Variants in NEK1 observed in about 807,000 individuals in gnomAD.
The protein encoded by NEK1 is NIMA related kinase 1.
Under a neutral mutation model 182.1 loss-of-function variants are expected in NEK1, and 137 were observed. The observed-to-expected ratio is 0.75, with a 90% CI of 0.65 to 0.87. The LOEUF (loss-of-function observed/expected upper bound fraction) is 0.87. Among genes scored for constraint, NEK1 ranks in the 40% least tolerant of loss-of-function variants. NEK1 has a pLI of 0.00. For missense variants in NEK1, 1,391 were observed against 1,494.4 expected, an observed-to-expected ratio of 0.93 and a Z score of 1.14; for synonymous variants, 513 against 492.2, an observed-to-expected ratio of 1.04 and a Z score of -0.56.
chr4:169,448,801 T>G (rs1043954660), intron 27 of NEK1, among the ~76,000 whole-genome samples: 1 of 152,192 alleles, frequency 6.6e-6, no homozygotes, highest in Non-Finnish European at 1.5e-5. Flanking sequence ...TCAATGGGAC[T>G]GGTTGGACAG....
chr4:169,539,246 A>T (rs902159500), intron 18 of NEK1, among the ~76,000 whole-genome samples: 1 of 152,134 alleles, frequency 6.6e-6, no homozygotes, highest in African/African-American at 2.4e-5. Context: ...GCCATCCCCT[A>T]ACAGTCCCAT....
intron 29 of NEK1, among the ~76,000 whole-genome samples, chr4:169,428,706 A>T (rs776708371): frequency 6.6e-6 from 1 of 152,108 alleles, no homozygotes; most frequent in South Asian, 2.1e-4. Flanking sequence ...TTAAATGGTG[A>T]ATTTTACGTT....
At chr4:169,494,954 T>C (rs950670290) in intron 23 of NEK1, among the ~76,000 whole-genome samples, 7 of 152,200 alleles carry the variant, frequency 4.6e-5, no homozygotes, top group African/African-American at 1.7e-4. Context: ...TGTTCTTTTC[T>C]TGTAAATTTG....
chr4:169,474,518 A>G (rs1746602310), intron 26 of NEK1, among the ~76,000 whole-genome samples: 1 of 152,062 alleles, frequency 6.6e-6, no homozygotes, highest in Admixed American at 6.6e-5. Flanking sequence ...TCACTTCCTA[A>G]TTCTTGGATT....
intron 23 of NEK1, among the ~76,000 whole-genome samples, chr4:169,492,726 A>G (rs997062903): frequency 2.1e-4 from 32 of 152,204 alleles, no homozygotes; most frequent in African/African-American, 7.7e-4. Flanking sequence ...GACATACTAC[A>G]CAACCTACTC....
At chr4:169,563,811 G>A (rs1016972407) in intron 12 of NEK1, among the ~76,000 whole-genome samples, 30 of 152,214 alleles carry the variant, frequency 2.0e-4, no homozygotes, top group South Asian at 1.2e-3. Context: ...AAGTTTCACC[G>A]AATTTTCAGC....
chr4:169,477,013 C>T (rs1747074400), intron 26 of NEK1, 111 bp downstream of exon 26: 1 of 700,412 alleles, frequency 1.4e-6, no homozygotes, highest in African/African-American at 1.8e-5. Context: ...ATATAGAATT[C>T]TTTCAGCTTC....
intron 27 of NEK1, among the ~76,000 whole-genome samples, chr4:169,458,858 G>C (rs1005864074): frequency 6.7e-6 from 1 of 149,932 alleles, no homozygotes; most frequent in Non-Finnish European, 1.5e-5. Flanking sequence ...AATGTCAAGA[G>C]AACATGAAGA....
Position 169,401,876 on chromosome 4 carries a change from T to C in NEK1, c.3375-16A>G. On this transcript the variant is annotated splice_polypyrimidine_tract_variant and intron_variant, in intron 32 of 35. Transcript: ENST00000507142. ...TTCAAACACACTGAAATTTAAAAAG[T>C]ATAACTAAAAGTTTCAAACATACTG... The C allele has an allele frequency of 6.3e-7, 1 of 1,588,854 alleles. No individual in the cohort carries two copies. Among genetic ancestry groups the C allele is most frequent in the Non-Finnish European group, 8.6e-7 (1 of 1,166,214 alleles).
Position 169,575,916 on chromosome 4 carries a change from A to T in NEK1, c.1020+1012T>A, listed in dbSNP as rs1765612394. On this transcript the variant is annotated intron_variant, in intron 12 of 35. Transcript: ENST00000507142. ...TGCTATTACTGCATGCTTTAAAAAAAAAATTTTTTTACAATCTCTCATTTT... is the reference window on the plus strand; with the variant it reads ...TGCTATTACTGCATGCTTTAAAAAATAAATTTTTTTACAATCTCTCATTTT... 2.6e-5 allele frequency among the ~76,000 whole-genome samples: 4 copies of T among 152,126 alleles called. No individual in the cohort carries two copies. The South Asian group carries it at 8.3e-4, about 32-fold the overall frequency.
intron 27 of NEK1, among the ~76,000 whole-genome samples, chr4:169,455,010 A>G (rs1030683902): frequency 6.6e-6 from 1 of 152,220 alleles, no homozygotes; most frequent in Non-Finnish European, 1.5e-5. Context: ...AGAAAGGATG[A>G]GTTCATGTCC....
chr4:169,541,911 G>A (rs1007006457), intron 18 of NEK1, among the ~76,000 whole-genome samples: 2 of 152,114 alleles, frequency 1.3e-5, no homozygotes, highest in African/African-American at 4.8e-5. Context: ...TGACCGAAAT[G>A]TGTCTTTATA....
At chr4:169,463,475 T>C (rs1178556803) in intron 26 of NEK1, 80 bp from the exon 27 acceptor site, 16 of 1,019,704 alleles carry the variant, frequency 1.6e-5, no homozygotes, top group South Asian at 2.5e-5. Context: ...TTGAGTCTTT[T>C]ATCCAATTGA....
intron 19 of NEK1, among the ~76,000 whole-genome samples, chr4:169,512,395 C>A (rs1027304511): frequency 6.6e-6 from 1 of 152,036 alleles, no homozygotes; most frequent in Middle Eastern, 3.4e-3. Flanking sequence ...GTGTTACCTG[C>A]CATATGTATA....
chr4:169,395,417 C>T (rs1730518989), intron 35 of NEK1, among the ~76,000 whole-genome samples: 1 of 152,140 alleles, frequency 6.6e-6, no homozygotes, highest in African/African-American at 2.4e-5. Flanking sequence ...CACTGAATTG[C>T]TTATAGTTTC....
chr4:169,399,794 A>T (rs575985615), intron 35 of NEK1, among the ~76,000 whole-genome samples: 10 of 151,840 alleles, frequency 6.6e-5, no homozygotes, highest in African/African-American at 2.2e-4. Flanking sequence ...CTAATTAAAA[A>T]TTTTTTTGTG....
intron 10 of NEK1, among the ~76,000 whole-genome samples, chr4:169,583,114 A>C (rs575877764): frequency 6.6e-6 from 1 of 152,080 alleles, no homozygotes; most frequent in African/African-American, 2.4e-5. Flanking sequence ...AAGCTCATGA[A>C]TTGTTTCAAA....
At chr4:169,405,603 T>C (rs1188752563) in intron 32 of NEK1, among the ~76,000 whole-genome samples, 1 of 152,192 alleles carries the variant, frequency 6.6e-6, no homozygotes, top group Admixed American at 6.5e-5. Flanking sequence ...GAGGCTGCAG[T>C]GAGCTATCAT....
intron 31 of NEK1, among the ~76,000 whole-genome samples, chr4:169,411,723 A>T (rs2111173654): frequency 6.6e-6 from 1 of 152,370 alleles, no homozygotes; most frequent in Non-Finnish European, 1.5e-5. Context: ...GGGATTATAA[A>T]TTAATCAAAT....
Sources: gnomAD v4.1 joint callset for allele counts (sites outside exome capture counted in the v4.1 genomes callset) on GRCh38, gnomAD v4.1.1 for gene constraint, MANE v1.5 for transcripts, NCBI Gene and HGNC (gene_info 2026-07-23, HGNC 2026-07-21) for gene names.